Variants in SEMA5A observed in about 807,000 individuals in gnomAD.
SEMA5A encodes the protein semaphorin-5A.
In SEMA5A, 55 loss-of-function variants were observed where a neutral mutation model predicts 135.5. That is an observed-to-expected ratio of 0.41 (90% CI 0.33 to 0.51). The LOEUF is 0.51. Among genes scored for constraint, SEMA5A ranks in the 20% least tolerant of loss-of-function variants. The pLI is 0.37. For synonymous variants in SEMA5A, 580 were observed against 546.5 expected (o/e 1.06, Z -0.85); for missense variants, 1,290 against 1,419.9 (o/e 0.91, Z 1.47).
chr5:9,111,871 G>A (rs994038918), intron 15 of SEMA5A, among the ~76,000 whole-genome samples: 1 of 152,194 alleles, frequency 6.6e-6, no homozygotes, highest in Non-Finnish European at 1.5e-5. Flanking sequence ...TCATGCCCCT[G>A]AGAGAAGCCC....
At chr5:9,292,424 AG>A (rs1222720755) in intron 5 of SEMA5A, among the ~76,000 whole-genome samples, 3 of 152,184 alleles carry the variant, frequency 2.0e-5, no homozygotes, top group African/African-American at 7.2e-5. Flanking sequence ...AACTTGCCCG[AG>A]GACACACACC....
At chr5:9,419,274 C>T (rs1020620923) in intron 2 of SEMA5A, among the ~76,000 whole-genome samples, 2 of 152,096 alleles carry the variant, frequency 1.3e-5, no homozygotes, top group Non-Finnish European at 2.9e-5. Context: ...TTGAGGCTTG[C>T]TTTGTGACCA....
chr5:9,164,994 A>G lies in SEMA5A; in HGVS notation c.1274-10299T>C, dbSNP rs138987971. Among the ~76,000 whole-genome samples the G allele has an allele frequency of 3.0e-3, 461 of 152,334 alleles. 3 individuals are homozygous for G. The highest frequency in any genetic ancestry group is 0.01 in the African/African-American group (424 of 41,576). On this transcript the variant is annotated intron_variant, in intron 11 of 22. Coordinates refer to ENST00000382496, the MANE Select transcript of SEMA5A (RefSeq NM_003966.3). ...GCACAATTGTCCATACTTGTGTATG[A>G]TTAGATAGCCTTCTATCATCATGAG... is the stretch of plus-strand genomic sequence containing the variant.
At chr5:9,201,251 T>C (rs1202833359) in intron 9 of SEMA5A, among the ~76,000 whole-genome samples, 1 of 151,970 alleles carries the variant, frequency 6.6e-6, no homozygotes, top group Non-Finnish European at 1.5e-5. Flanking sequence ...CAGCTAAGGA[T>C]AGGAAATAAC....
chr5:9,539,292 C>G (rs182492620), intron 1 of SEMA5A, among the ~76,000 whole-genome samples: 1 of 152,206 alleles, frequency 6.6e-6, no homozygotes, highest in Non-Finnish European at 1.5e-5. Flanking sequence ...ATCAAGAGTT[C>G]ATTTGTTTTA....
chr5:9,431,194 G>A (rs940572424), intron 2 of SEMA5A, among the ~76,000 whole-genome samples: 1 of 152,078 alleles, frequency 6.6e-6, no homozygotes, highest in African/African-American at 2.4e-5. Context: ...ATGAAGAAAA[G>A]AGGAACAGTT....
intron 2 of SEMA5A, among the ~76,000 whole-genome samples, chr5:9,384,641 TAGATAGATAGATAGATAGATATAG>T (rs1755788205): frequency 8.8e-6 from 1 of 113,964 alleles, no homozygotes; most frequent in Non-Finnish European, 1.9e-5. Flanking sequence ...GATAGATAGA[TAGATAGATAGATAGATAGATATAG>T]ATAGATAGAT....
intron 5 of SEMA5A, among the ~76,000 whole-genome samples, chr5:9,290,068 A>C (rs1751001710): frequency 6.6e-6 from 1 of 152,082 alleles, no homozygotes; most frequent in African/African-American, 2.4e-5. Context: ...TTTTTATTTC[A>C]ATAGGTTTTT....
At chr5:9,206,700 A>C (rs1746040546) in intron 8 of SEMA5A, among the ~76,000 whole-genome samples, 1 of 151,852 alleles carries the variant, frequency 6.6e-6, no homozygotes, top group African/African-American at 2.4e-5. Flanking sequence ...ACTCTACAAA[A>C]ATCTTACTAG....
intron 8 of SEMA5A, among the ~76,000 whole-genome samples, chr5:9,220,897 A>G (rs1352302977): frequency 6.6e-6 from 1 of 152,194 alleles, no homozygotes; most frequent in Admixed American, 6.5e-5. Flanking sequence ...TGCAAAGGGC[A>G]GAGAAGATGA....
chr5:9,231,740 C>G (rs577406967), intron 6 of SEMA5A, among the ~76,000 whole-genome samples: 148 of 152,270 alleles, frequency 9.7e-4, no homozygotes, highest in Admixed American at 6.4e-3. Flanking sequence ...AATCAGCATA[C>G]TTAAATGTCT....
At chr5:9,491,415 A>G (rs925831697) in intron 1 of SEMA5A, among the ~76,000 whole-genome samples, 3 of 152,134 alleles carry the variant, frequency 2.0e-5, no homozygotes, top group Non-Finnish European at 2.9e-5. Context: ...TGATGTGCCA[A>G]TGTAGGTTGA....
At chr5:9,291,173 G>A (rs1014422998) in intron 5 of SEMA5A, among the ~76,000 whole-genome samples, 20 of 152,226 alleles carry the variant, frequency 1.3e-4, no homozygotes, top group Admixed American at 3.9e-4. Flanking sequence ...AAAAATGGTC[G>A]TTCTTGGCCA....
intron 5 of SEMA5A, among the ~76,000 whole-genome samples, chr5:9,307,273 T>C (rs1000890827): frequency 1.3e-5 from 2 of 152,166 alleles, no homozygotes; most frequent in African/African-American, 4.8e-5. Context: ...TTATATAAAC[T>C]CTTAAAGGTT....
chr5:9,054,160 G>A lies in SEMA5A; in HGVS notation c.2616C>T (p.Ala872=), dbSNP rs1736756629. The change falls in exon 19 of 23, where the codon GCC becomes GCT. Residue 872 remains alanine, a synonymous_variant. Coordinates refer to ENST00000382496, the MANE Select transcript of SEMA5A (RefSeq NM_003966.3). The part of the protein sequence containing the change: ...YMRTRSCSNP[A]PAYGGDICLG... ...GGCAGATGTCCCCTCCATAGGCCGG[G>A]GCTGGATTGGAGCAAGAGCGGGTCC... 1.2e-6 allele frequency: 2 copies of A among 1,613,888 alleles called. No individual in the cohort carries two copies. The highest frequency in any genetic ancestry group is 1.3e-5 in the African/African-American group (1 of 74,892).
chr5:9,096,829 G>C (rs1739345219), intron 16 of SEMA5A, among the ~76,000 whole-genome samples: 1 of 151,956 alleles, frequency 6.6e-6, no homozygotes, highest in Non-Finnish European at 1.5e-5. Flanking sequence ...TAGCCAAAAG[G>C]TACATGAAAA....
chr5:9,528,064 T>C (rs1737232998), intron 1 of SEMA5A, among the ~76,000 whole-genome samples: 2 of 152,244 alleles, frequency 1.3e-5, no homozygotes, highest in South Asian at 4.1e-4. Context: ...TTTCCAAACA[T>C]TGTCTTTATA....
intron 1 of SEMA5A, among the ~76,000 whole-genome samples, chr5:9,485,547 A>G (rs1032599254): frequency 1.3e-5 from 2 of 152,220 alleles, no homozygotes; most frequent in African/African-American, 2.4e-5. Context: ...TGCTGAACAA[A>G]GAGTGCCTGC....
chr5:9,486,035 T>G (rs1033179864), intron 1 of SEMA5A, among the ~76,000 whole-genome samples: 7 of 152,034 alleles, frequency 4.6e-5, no homozygotes, highest in Non-Finnish European at 8.8e-5. Context: ...TGTCCATCAA[T>G]GCAGACTAGA....
Sources: allele counts gnomAD v4.1 joint callset (sites outside exome capture counted in the v4.1 genomes callset), GRCh38; gene constraint gnomAD v4.1.1; transcripts MANE v1.5; gene names NCBI Gene and HGNC (gene_info 2026-07-23, HGNC 2026-07-21).